The following ACSBG1 variants were observed in gnomAD, a reference collection of about 807,000 sequenced individuals.
ACSBG1 encodes long-chain-fatty-acid--CoA ligase ACSBG1.
In ACSBG1, 39 loss-of-function variants were observed where a neutral mutation model predicts 80.2. The ratio of observed to expected loss-of-function variants is 0.49; its 90% CI spans 0.38 to 0.64. The LOEUF is 0.64. ACSBG1 is among the 30% of genes least tolerant of loss of function. The pLI is 0.00. For synonymous variants in ACSBG1, 392 were observed against 379.5 expected, an observed-to-expected ratio of 1.03 and a Z score of -0.38; for missense variants, 828 against 966.4, an observed-to-expected ratio of 0.86 and a Z score of 1.90.
At chr15:78,185,634 A>G (rs1028005818) in intron 5 of ACSBG1, among the ~76,000 whole-genome samples, 29 of 152,190 alleles carry the variant, frequency 1.9e-4, no homozygotes, top group African/African-American at 7.0e-4. Context: ...TAAAACTATA[A>G]ATCTACCAAT....
intron 2 of ACSBG1, among the ~76,000 whole-genome samples, chr15:78,201,126 G>C (rs1432614456): frequency 6.6e-6 from 1 of 152,192 alleles, no homozygotes; most frequent in African/African-American, 2.4e-5. Flanking sequence ...ATGGAGGATG[G>C]GGTCATGGTC....
rs1167626046 is a variant in ACSBG1 at position 78,182,158 on chromosome 15, T to G, written c.895-13A>C. 1 of 1,604,812 alleles carries G rather than the reference T, an allele frequency of 6.2e-7. No homozygotes were observed. Among genetic ancestry groups the G allele is most frequent in the Admixed American group, 1.7e-5 (1 of 59,938 alleles). The stretch of plus-strand genomic sequence containing the variant: ...CCGTCCACGTGATCTGGAGGACAAG[T>G]AGATGGATCCCAGCAGTGTCCACAA... On this transcript the variant is annotated splice_polypyrimidine_tract_variant and intron_variant, in intron 7 of 13. Transcript: ENST00000258873.
At position 78,167,756 on chromosome 15, in the gene ACSBG1, C is replaced by T. The variant is rs1490758970; in HGVS notation, c.*3688G>A. 1 of 152,154 alleles carries T rather than the reference C, an allele frequency of 6.6e-6. No homozygotes were observed. The highest frequency in any genetic ancestry group is 1.5e-5 in the Non-Finnish European group (1 of 68,028). 9.4% of individuals were successfully genotyped at this position (152,154 alleles called of 1,614,324 possible). A position where few individuals can be genotyped will look rare whatever the true frequency, so the allele number is the denominator to read the frequency against. ...GGTACCTCATGTAAGTGGAATCATA[C>T]AGTATTTGTCCTTTGAGTCTGGCTT... On this transcript the variant is annotated 3_prime_UTR_variant, in exon 14 of 14. Coordinates refer to ENST00000258873, the MANE Select transcript of ACSBG1 (RefSeq NM_015162.5).
chr15:78,224,720 CA>C (rs1400767201), intron 1 of ACSBG1, among the ~76,000 whole-genome samples: 5 of 142,576 alleles, frequency 3.5e-5, no homozygotes, highest in African/African-American at 5.2e-5. Context: ...GACTCCGCCT[CA>C]AAAAAAAAAG....
chr15:78,214,861 A>G (rs1173472278), intron 1 of ACSBG1, among the ~76,000 whole-genome samples: 1 of 152,238 alleles, frequency 6.6e-6, no homozygotes, highest in Non-Finnish European at 1.5e-5. Context: ...CTAAACTGGT[A>G]GGTCAATGCC....
intron 1 of ACSBG1, among the ~76,000 whole-genome samples, chr15:78,229,640 A>AGT (rs2075430800): frequency 6.6e-6 from 1 of 152,140 alleles, no homozygotes; most frequent in Non-Finnish European, 1.5e-5. Flanking sequence ...AGGAGCCCAG[A>AGT]GTGAGTGTGG....
intron 1 of ACSBG1, among the ~76,000 whole-genome samples, chr15:78,215,240 T>C (rs916534708): frequency 2.6e-5 from 4 of 152,194 alleles, no homozygotes; most frequent in African/African-American, 7.2e-5. Context: ...GGCTGAGTCA[T>C]GATGTTAATG....
intron 1 of ACSBG1, chr15:78,209,389 C>T (rs1236226477): frequency 5.1e-6 from 2 of 392,432 alleles, no homozygotes; most frequent in Non-Finnish European, 1.0e-5. Flanking sequence ...CCTGGAGCAG[C>T]CCTTCCATTG....
In ACSBG1 at chr15:78,178,577, C is replaced by T. The variant is rs761399514; in HGVS notation, c.1702+37G>A. The stretch of plus-strand genomic sequence containing the variant: ...TTGGCCTCCCAAAGTGCTGGGATTA[C>T]AGGCATGAGCCACCGTGCCTGGCCT... On this transcript the variant is annotated intron_variant, in intron 11 of 13. Coordinates refer to ENST00000258873, the MANE Select transcript of ACSBG1 (RefSeq NM_015162.5). This position sits in a 1 kb window ranked among gnomAD's most constrained non-coding sequence, Gnocchi z 4.3. 3 of 1,569,614 alleles carry T rather than the reference C, an allele frequency of 1.9e-6. No homozygotes were observed. The highest frequency in any genetic ancestry group is 1.2e-5 in the South Asian group (1 of 84,592).
At chr15:78,206,881 G>A (rs2075220645) in intron 2 of ACSBG1, among the ~76,000 whole-genome samples, 1 of 152,180 alleles carries the variant, frequency 6.6e-6, no homozygotes, top group Non-Finnish European at 1.5e-5. Flanking sequence ...CCCCACAAAT[G>A]GCTCCCTTCC....
intron 11 of ACSBG1, among the ~76,000 whole-genome samples, chr15:78,176,062 A>T (rs565921772): frequency 8.2e-6 from 1 of 122,394 alleles, no homozygotes; most frequent in South Asian, 2.8e-4. Flanking sequence ...TACTTTTTTT[A>T]AGATTTAATA....
At chr15:78,201,077 C>G (rs573982991) in intron 2 of ACSBG1, among the ~76,000 whole-genome samples, 1 of 152,320 alleles carries the variant, frequency 6.6e-6, no homozygotes, top group South Asian at 2.1e-4. Flanking sequence ...TCAAGGACCA[C>G]GTGTTGCCTC....
At chr15:78,191,012 C>T (rs980619257) in intron 5 of ACSBG1, among the ~76,000 whole-genome samples, 33 of 152,230 alleles carry the variant, frequency 2.2e-4, no homozygotes, top group African/African-American at 7.9e-4. Context: ...GTGCTGTCTA[C>T]AAGAAACTCA....
intron 5 of ACSBG1, among the ~76,000 whole-genome samples, chr15:78,183,729 C>T (rs895389559): frequency 1.3e-5 from 2 of 151,998 alleles, no homozygotes; most frequent in African/African-American, 4.8e-5. Context: ...AATGTCTTAA[C>T]CATTTGAAAA....
chr15:78,215,706 AAGAG>A (rs1222475483), intron 1 of ACSBG1, among the ~76,000 whole-genome samples: 2 of 146,226 alleles, frequency 1.4e-5, no homozygotes, highest in African/African-American at 5.1e-5. Context: ...AAAAGAAGGA[AAGAG>A]AGAAAGAAAG....
intron 1 of ACSBG1, among the ~76,000 whole-genome samples, chr15:78,210,516 GA>G (rs2075258180): frequency 6.6e-6 from 1 of 152,198 alleles, no homozygotes. Flanking sequence ...AGAAACAAGT[GA>G]AACTGCTCGG....
At chr15:78,223,701 C>T (rs900378253) in intron 1 of ACSBG1, among the ~76,000 whole-genome samples, 1 of 152,188 alleles carries the variant, frequency 6.6e-6, no homozygotes, top group African/African-American at 2.4e-5. Context: ...TGTGACCCAG[C>T]AAATGGAAAG....
chr15:78,228,668 T>C (rs142666507), intron 1 of ACSBG1, among the ~76,000 whole-genome samples: 2 of 152,346 alleles, frequency 1.3e-5, no homozygotes, highest in East Asian at 3.9e-4. Flanking sequence ...ACGCTTTCCA[T>C]GGATGTGCCT....
At chr15:78,226,931 C>T (rs1191652500) in intron 1 of ACSBG1, among the ~76,000 whole-genome samples, 4 of 150,696 alleles carry the variant, frequency 2.7e-5, no homozygotes, top group Non-Finnish European at 5.9e-5. Flanking sequence ...TCAAAAGACA[C>T]ACCATTGGCC....
Sources: allele counts gnomAD v4.1 joint callset (sites outside exome capture counted in the v4.1 genomes callset), GRCh38; gene constraint gnomAD v4.1.1; non-coding constraint Gnocchi (gnomAD v3.1); transcripts MANE v1.5; gene names NCBI Gene and HGNC (gene_info 2026-07-23, HGNC 2026-07-21).